RIMBP2: variants seen among roughly 807,000 people sequenced by gnomAD.
RIMBP2 encodes RIMS binding protein 2.
A neutral mutation model predicts 118.6 loss-of-function variants in RIMBP2; 48 were observed. The ratio of observed to expected loss-of-function variants is 0.40; its 90% CI spans 0.32 to 0.51. The LOEUF (loss-of-function observed/expected upper bound fraction) is 0.51, where lower values mean the gene tolerates loss of function less well. Among genes scored for constraint, RIMBP2 ranks in the 20% least tolerant of loss-of-function variants. RIMBP2 has a pLI of 0.41. For synonymous variants in RIMBP2, 762 were observed against 742.9 expected (o/e 1.03, Z -0.42); for missense variants, 1,551 against 1,768.3 (o/e 0.88, Z 2.20).
rs1167256055 is a variant in RIMBP2, at chr12:130,475,415, A to G, written c.102+3497T>C. ...AGCTGATCCCACCAAGGAATCTCTA[A>G]GTACTGCACAATGTGGCACAATCCA... On this transcript the variant is annotated intron_variant, in intron 5 of 22. Coordinates refer to ENST00000690449, the MANE Select transcript of RIMBP2 (RefSeq NM_001393629.1). The surrounding 1 kb of genome is among the most constrained non-coding windows in gnomAD (Gnocchi z 4.1). Among the ~76,000 whole-genome samples, 1 of 152,180 alleles carries G rather than the reference A, an allele frequency of 6.6e-6. No individual in the cohort carries two copies. The highest frequency in any genetic ancestry group is 1.5e-5 in the Non-Finnish European group (1 of 68,044).
chr12:130,617,681 T>C lies in RIMBP2; in HGVS notation c.-217+10641A>G, dbSNP rs1430621744. Among the ~76,000 whole-genome samples the C allele has an allele frequency of 6.6e-6, 1 of 152,212 alleles. No individual in the cohort carries two copies. Among genetic ancestry groups the C allele is most frequent in the Non-Finnish European group, 1.5e-5 (1 of 68,030 alleles). On this transcript the variant is annotated intron_variant, in intron 2 of 22. Transcript: ENST00000690449. The surrounding 1 kb of genome is among the most constrained non-coding windows in gnomAD (Gnocchi z 4.6). ...GGCCTTGGGCTGAGTGTCTATGACC[T>C]GACGCTAAGCAGCCCAGCACCTTCA...
chr12:130,672,910 G>C (rs1324759795), intron 1 of RIMBP2, among the ~76,000 whole-genome samples: 3 of 152,178 alleles, frequency 2.0e-5, no homozygotes, highest in Non-Finnish European at 4.4e-5. Flanking sequence ...TCCACACTTC[G>C]TCACCTTCAC....
At chr12:130,625,844 G>C (rs2061588644) in intron 2 of RIMBP2, among the ~76,000 whole-genome samples, 1 of 152,156 alleles carries the variant, frequency 6.6e-6, no homozygotes, top group Admixed American at 6.5e-5. Context: ...TAGGAGGACT[G>C]ATTGGCTTCT....
At chr12:130,495,853 G>A (rs1213222402) in intron 4 of RIMBP2, among the ~76,000 whole-genome samples, 1 of 152,122 alleles carries the variant, frequency 6.6e-6, no homozygotes, top group Admixed American at 6.6e-5. Context: ...GAACACCCCG[G>A]TTCTCAGAAA....
At chr12:130,679,574 T>TGGTGCGGGTGCA (rs1378170530) in intron 1 of RIMBP2, among the ~76,000 whole-genome samples, 1 of 152,190 alleles carries the variant, frequency 6.6e-6, no homozygotes, top group Non-Finnish European at 1.5e-5. Flanking sequence ...CTGTCTCTGA[T>TGGTGCGGGTGCA]GGTGCGGGTG....
At chr12:130,663,884 T>A (rs1042975456) in intron 1 of RIMBP2, among the ~76,000 whole-genome samples, 1 of 151,664 alleles carries the variant, frequency 6.6e-6, no homozygotes, top group Non-Finnish European at 1.5e-5. Flanking sequence ...AATTGTGAAA[T>A]ACCAGAAACA....
At chr12:130,438,334 A>AGGC in intron 12 of RIMBP2, 31 bp downstream of exon 12, 204 of 1,344,384 alleles carry the variant, frequency 1.5e-4, no homozygotes, top group Non-Finnish European at 2.0e-4. Context: ...GGGCCTAACA[A>AGGC]ACCCTCCCCA....
chr12:130,585,120 G>A (rs1274812911), intron 2 of RIMBP2, among the ~76,000 whole-genome samples: 1 of 152,106 alleles, frequency 6.6e-6, no homozygotes, highest in Non-Finnish European at 1.5e-5. Context: ...GAACTCCTGG[G>A]CTCAAGTGAT....
chr12:130,708,035 A>G (rs1418952726), intron 1 of RIMBP2, among the ~76,000 whole-genome samples: 3 of 152,216 alleles, frequency 2.0e-5, no homozygotes, highest in Admixed American at 2.0e-4. Flanking sequence ...CCAGCCACAC[A>G]GTGGAATATT....
At position 130,470,704 on chromosome 12, in the gene RIMBP2, G is replaced by A. The variant is rs762528299; in HGVS notation, c.142C>T (p.Arg48Trp). Residue 48 changes from arginine to tryptophan, a missense_variant, in exon 6 of 23, where the codon CGG (arginine) becomes TGG (tryptophan). Arg to Trp is a moderately radical substitution (Grantham distance 101). Transcript: ENST00000690449. ...EAKKEHEGAVRLLESKVRELE... is the reference protein window; with the variant it reads ...EAKKEHEGAVWLLESKVRELE... ...GGCACGCTCCTTACCTCTAGCAGCC[G>A]CACTGCGCCTTCATGCTCCTTCTTA... 2.0e-5 allele frequency: 25 copies of A among 1,231,784 alleles called. No homozygotes were observed. The highest frequency in any genetic ancestry group is 6.2e-5 in the African/African-American group (4 of 64,418). The allele number at this position is 1,231,784 out of a possible 1,614,324, so 76.3% of individuals were successfully genotyped here.
intron 6 of RIMBP2, among the ~76,000 whole-genome samples, chr12:130,461,596 T>C (rs115682641): frequency 0.016 from 2,486 of 152,260 alleles, 84 homozygotes; most frequent in African/African-American, 0.057. Context: ...CCTCCAGTGT[T>C]GGAGGCGGGG....
At chr12:130,639,891 A>C (rs1439236004) in intron 1 of RIMBP2, among the ~76,000 whole-genome samples, 1 of 152,188 alleles carries the variant, frequency 6.6e-6, no homozygotes, top group Non-Finnish European at 1.5e-5. Context: ...CAGAGATGTA[A>C]ATCAATAAAA....
intron 2 of RIMBP2, among the ~76,000 whole-genome samples, chr12:130,558,467 G>A (rs1396670104): frequency 6.6e-6 from 1 of 152,100 alleles, no homozygotes; most frequent in African/African-American, 2.4e-5. Flanking sequence ...CACAGTGATG[G>A]TGACAGACAG....
chr12:130,561,238 T>G (rs2056800618), intron 2 of RIMBP2, among the ~76,000 whole-genome samples: 1 of 152,154 alleles, frequency 6.6e-6, no homozygotes, highest in Admixed American at 6.6e-5. Flanking sequence ...AGAATAAGTG[T>G]CTGTCGTTTC....
chr12:130,690,760 G>A (rs751371935), intron 1 of RIMBP2, among the ~76,000 whole-genome samples: 3 of 152,132 alleles, frequency 2.0e-5, no homozygotes, highest in African/African-American at 4.8e-5. Flanking sequence ...GATTTTTCTC[G>A]GGGTGGAATA....
chr12:130,527,575 T>C (rs2052937284), intron 2 of RIMBP2, among the ~76,000 whole-genome samples: 1 of 152,202 alleles, frequency 6.6e-6, no homozygotes, highest in Admixed American at 6.5e-5. Context: ...GGTGAGTTTA[T>C]GACATTTACA....
intron 2 of RIMBP2, among the ~76,000 whole-genome samples, chr12:130,612,005 G>A (rs151156276): frequency 2.6e-3 from 391 of 152,322 alleles, no homozygotes; most frequent in African/African-American, 8.6e-3. Flanking sequence ...TAGTTAAGGC[G>A]TCATGAGTCT....
At chr12:130,410,379 C>G (rs117671531) in intron 19 of RIMBP2, among the ~76,000 whole-genome samples, 271 of 152,218 alleles carry the variant, frequency 1.8e-3, no homozygotes, top group Non-Finnish European at 2.0e-3. Context: ...TTTGGTGAAG[C>G]CTAACATTGA....
At chr12:130,631,491 T>C (rs10082758) in intron 1 of RIMBP2, among the ~76,000 whole-genome samples, 94,022 of 151,872 alleles carry the variant, frequency 0.62, 29,675 homozygotes, top group Admixed American at 0.69. Context: ...ATGGGGTGTT[T>C]AGCAGTATCC....
Sources: gnomAD v4.1 joint callset for allele counts (sites outside exome capture counted in the v4.1 genomes callset) on GRCh38, gnomAD v4.1.1 for gene constraint, Gnocchi (gnomAD v3.1) non-coding constraint, MANE v1.5 for transcripts, NCBI Gene and HGNC (gene_info 2026-07-23, HGNC 2026-07-21) for gene names.